CCDC102B: variants seen among roughly 807,000 people sequenced by gnomAD.
The protein encoded by CCDC102B is coiled-coil domain-containing protein 102B.
CCDC102B carries 75 observed loss-of-function variants against 57.4 expected under a neutral mutation model. That is an observed-to-expected ratio of 1.31 (90% CI 1.08 to 1.58). The LOEUF is 1.58. Ranked by LOEUF, CCDC102B falls within the 40% of genes most tolerant of loss-of-function variation. The pLI, the probability that CCDC102B is intolerant of heterozygous loss-of-function variation, is 0.00. For missense variants in CCDC102B, 636 were observed against 582.6 expected, an observed-to-expected ratio of 1.09 and a Z score of -0.94; for synonymous variants, 206 against 201.9, an observed-to-expected ratio of 1.02 and a Z score of -0.17.
intron 1 of CCDC102B, among the ~76,000 whole-genome samples, chr18:68,820,877 C>T (rs11662246): frequency 0.43 from 65,610 of 151,864 alleles, 15,454 homozygotes; most frequent in East Asian, 0.86. Context: ...CCAAACTGTA[C>T]TAAAAATTTA....
intron 5 of CCDC102B, among the ~76,000 whole-genome samples, chr18:68,881,956 CA>C (rs2039708136): frequency 6.6e-6 from 1 of 152,096 alleles, no homozygotes; most frequent in East Asian, 1.9e-4. Flanking sequence ...GACTCCTAAG[CA>C]AAAACATGTA....
chr18:68,841,043 G>A (rs2037605617), intron 3 of CCDC102B, among the ~76,000 whole-genome samples: 1 of 152,160 alleles, frequency 6.6e-6, no homozygotes. Context: ...CATGGTTCCT[G>A]TGTCCATGAA....
At chr18:68,956,351 AAT>A (rs1491100670) in intron 6 of CCDC102B, among the ~76,000 whole-genome samples, 3 of 85,640 alleles carry the variant, frequency 3.5e-5, no homozygotes, top group African/African-American at 1.7e-4. Context: ...TATATATATT[AAT>A]ATATATAATA....
intron 7 of CCDC102B, among the ~76,000 whole-genome samples, chr18:69,025,336 A>C (rs768243668): frequency 1.3e-5 from 2 of 152,240 alleles, no homozygotes; most frequent in Non-Finnish European, 2.9e-5. Flanking sequence ...GCTCAGTAGG[A>C]AGTAGAATTG....
At chr18:68,732,228 AAATT>A (rs2032903999) in intron 2 of CCDC102B, among the ~76,000 whole-genome samples, 1 of 151,900 alleles carries the variant, frequency 6.6e-6, no homozygotes, top group Non-Finnish European at 1.5e-5. Flanking sequence ...TGTGTATTTT[AAATT>A]ATTTCTAGTA....
intron 4 of CCDC102B, among the ~76,000 whole-genome samples, chr18:68,869,200 A>G (rs1446920092): frequency 6.6e-6 from 1 of 152,188 alleles, no homozygotes; most frequent in African/African-American, 2.4e-5. Context: ...GGAAAGTTGA[A>G]CAATGAGCAG....
At chr18:69,025,483 T>A (rs566110118) in intron 7 of CCDC102B, among the ~76,000 whole-genome samples, 1 of 152,176 alleles carries the variant, frequency 6.6e-6, no homozygotes, top group African/African-American at 2.4e-5. Flanking sequence ...ACAGGTACAC[T>A]ACTGCATGTG....
At chr18:68,811,211 C>T (rs752108405) in intron 1 of CCDC102B, among the ~76,000 whole-genome samples, 7 of 152,174 alleles carry the variant, frequency 4.6e-5, no homozygotes, top group Admixed American at 2.0e-4. Context: ...TGGGTATATA[C>T]GCAGTAATGA....
intron 6 of CCDC102B, among the ~76,000 whole-genome samples, chr18:68,973,195 T>A (rs780251223): frequency 6.6e-6 from 1 of 152,138 alleles, no homozygotes. Context: ...GCTTAATTCC[T>A]TGTTTGATGG....
chr18:68,804,340 A>G (rs72958056), intron 1 of CCDC102B, among the ~76,000 whole-genome samples: 20,272 of 152,214 alleles, frequency 0.13, 1,558 homozygotes, highest in East Asian at 0.3. Context: ...TGCTGATTAG[A>G]TATCCTTAGT....
At chr18:68,993,897 T>A (rs1269658225) in intron 6 of CCDC102B, among the ~76,000 whole-genome samples, 1 of 152,240 alleles carries the variant, frequency 6.6e-6, no homozygotes. Context: ...CTTCCCATAG[T>A]GTACGCCTAC....
chr18:68,741,474 AG>A (rs2033378334), intron 2 of CCDC102B, among the ~76,000 whole-genome samples: 1 of 152,164 alleles, frequency 6.6e-6, no homozygotes, highest in Non-Finnish European at 1.5e-5. Context: ...TGGGGATCTA[AG>A]TGGGACAGAA....
At chr18:69,001,514 G>T (rs1273121804) in intron 6 of CCDC102B, among the ~76,000 whole-genome samples, 1 of 151,056 alleles carries the variant, frequency 6.6e-6, no homozygotes, top group East Asian at 1.9e-4. Flanking sequence ...AAGAATCAGG[G>T]ACTCTCTGAA....
intron 6 of CCDC102B, among the ~76,000 whole-genome samples, chr18:68,983,349 G>A (rs964877374): frequency 1.4e-4 from 21 of 151,974 alleles, no homozygotes; most frequent in African/African-American, 5.1e-4. Flanking sequence ...TATTATGCAG[G>A]AAAAAATATA....
At chr18:68,928,497 G>A (rs1224344160) in intron 6 of CCDC102B, among the ~76,000 whole-genome samples, 2 of 151,808 alleles carry the variant, frequency 1.3e-5, no homozygotes, top group South Asian at 2.1e-4. Flanking sequence ...GGAGGAGGAC[G>A]TGGCTACCTC....
chr18:69,038,865 T>G (rs1353652011), intron 7 of CCDC102B, among the ~76,000 whole-genome samples: 1 of 152,034 alleles, frequency 6.6e-6, no homozygotes, highest in African/African-American at 2.4e-5. Flanking sequence ...GTCAATTATT[T>G]CTTCAGATAT....
chr18:68,835,482 T>A (rs996270440), intron 1 of CCDC102B, among the ~76,000 whole-genome samples: 9 of 152,238 alleles, frequency 5.9e-5, no homozygotes, highest in African/African-American at 2.2e-4. Context: ...CCCACCAGAC[T>A]GTAAAATCTT....
chr18:68,810,680 G>GTTTTTTTTTTTTTTTTTTT (rs61714863), intron 1 of CCDC102B, among the ~76,000 whole-genome samples: 2 of 77,042 alleles, frequency 2.6e-5, no homozygotes, highest in East Asian at 4.2e-4. Flanking sequence ...TCTTTTCTTT[G>GTTTTTTTTTTTTTTTTTTT]TTTTTTTTTT....
chr18:68,853,672 T>TAAAAAAAAAAAAAAAAA lies in CCDC102B; in HGVS notation c.936+7265_936+7281dup, dbSNP rs71175201. Reference sequence around the variant, plus strand: ...CGAATTTTTCTTTATCCCCAAATTGTAAAAAAAAAAAAAAAAAAAAAAAAA... The same window carrying TAAAAAAAAAAAAAAAAA: ...CGAATTTTTCTTTATCCCCAAATTGTAAAAAAAAAAAAAAAAAAAAAAAAAAAAAAAAAAAAAAAAAA... On this transcript the variant is annotated intron_variant, in intron 4 of 7. Transcript: ENST00000360242. Among the ~76,000 whole-genome samples the TAAAAAAAAAAAAAAAAA allele has an allele frequency of 9.3e-3, 879 of 94,494 alleles. 111 individuals carry two copies. Among genetic ancestry groups the TAAAAAAAAAAAAAAAAA allele is most frequent in the South Asian group, 0.015 (38 of 2,576 alleles). The allele number at this position is 94,494 out of a possible 152,430, so 62.0% of individuals were successfully genotyped here.
Sources: allele counts gnomAD v4.1 joint callset (sites outside exome capture counted in the v4.1 genomes callset), GRCh38; gene constraint gnomAD v4.1.1; transcripts MANE v1.5; gene names NCBI Gene and HGNC (gene_info 2026-07-23, HGNC 2026-07-21).